INTS3: variants seen among roughly 807,000 people sequenced by gnomAD.
The protein encoded by INTS3 is SOSS complex subunit A.
In INTS3, 34 loss-of-function variants were observed where a neutral mutation model predicts 146.3. The observed-to-expected ratio is 0.23, with a 90% CI of 0.18 to 0.31. The LOEUF (loss-of-function observed/expected upper bound fraction) is 0.31, where lower values mean the gene tolerates loss of function less well. Ranked by LOEUF, INTS3 falls within the 10% of genes least tolerant of loss-of-function variation. The pLI is 1.00. For synonymous variants in INTS3, 475 were observed against 494.9 expected (o/e 0.96, Z 0.53); for missense variants, 757 against 1,304.2 (o/e 0.58, Z 6.46).
intron 20 of INTS3, chr1:153,766,967 C>T (rs910782688): frequency 1.3e-5 from 2 of 152,150 alleles, no homozygotes; most frequent in African/African-American, 4.8e-5. Flanking sequence ...TTCTCTGCCT[C>T]CCAAAGCGCT....
Position 153,772,993 on chromosome 1 carries a change from G to A in INTS3, c.2963G>A (p.Arg988Gln), listed in dbSNP as rs770973052. The stretch of plus-strand genomic sequence containing the variant: ...TCCACCAAGCCACCCAAGAGCCGGC[G>A]AAAAGCAGCTCTGTCCAGCCCTCGA... The part of the protein sequence containing the change: ...DSSTKPPKSR[R>Q]KAALSSPRSR... The change falls in exon 29 of 30, where the codon CGA becomes CAA. Residue 988 changes from arginine (R) to glutamine (Q), a missense_variant. Transcript: ENST00000318967. This position sits in a 1 kb window ranked among gnomAD's most constrained non-coding sequence, Gnocchi z 4.6. 3.1e-6 allele frequency: 5 copies of A among 1,614,134 alleles called. No homozygotes were observed. Among genetic ancestry groups the A allele is most frequent in the Non-Finnish European group, 2.5e-6 (3 of 1,180,014 alleles).
rs1167529587 is a variant in INTS3, at chr1:153,768,842, T to C, written c.2245-51T>C. 2.8e-6 allele frequency: 4 copies of C among 1,437,130 alleles called. No individual in the cohort carries two copies. In the Admixed American group the frequency reaches 5.0e-5, roughly 18 times the overall value. 89.0% of individuals were successfully genotyped at this position (1,437,130 alleles called of 1,614,324 possible). ...TAAGGAAGGAGAGTGGGCTATGGGATAAAAGCTGAGGAGCCCATCCAGGAC... is the reference window on the plus strand; with the variant it reads ...TAAGGAAGGAGAGTGGGCTATGGGACAAAAGCTGAGGAGCCCATCCAGGAC... On this transcript the variant is annotated intron_variant, in intron 21 of 29. Transcript: ENST00000318967.
intron 3 of INTS3, among the ~76,000 whole-genome samples, chr1:153,746,107 T>C (rs748428573): frequency 1.2e-4 from 19 of 152,224 alleles, no homozygotes; most frequent in Admixed American, 3.3e-4. Flanking sequence ...ATATCAGTTT[T>C]GGTTCTGTCC....
chr1:153,763,995 A>T, intron 17 of INTS3, 109 bp downstream of exon 17: 13 of 1,289,068 alleles, frequency 1.0e-5, no homozygotes, highest in Non-Finnish European at 1.5e-5. Context: ...AGTCCCTCTT[A>T]TAGTGGGGAG....
intron 8 of INTS3, among the ~76,000 whole-genome samples, chr1:153,753,014 G>A (rs1374063961): frequency 6.6e-6 from 1 of 151,402 alleles, no homozygotes; most frequent in East Asian, 1.9e-4. Flanking sequence ...ACACGTGCTT[G>A]TGATCGTGCA....
chr1:153,768,843 A>T (rs1350932024), intron 21 of INTS3, 50 bp from the exon 22 acceptor site: 1 of 1,445,556 alleles, frequency 6.9e-7, no homozygotes, highest in Non-Finnish European at 9.7e-7. Flanking sequence ...GCTATGGGAT[A>T]AAAGCTGAGG....
rs1257639376 is a variant in INTS3, at chr1:153,759,535, G to A, written c.1159G>A (p.Ala387Thr). The change falls in exon 11 of 30, where the codon GCT becomes ACT. Residue 387 changes from alanine to threonine, a missense_variant. This residue lies in a region of INTS3 where 35 missense variants were observed against 122.2 expected (regional missense o/e 0.29). Transcript: ENST00000318967. ...WLLTTCTSNV[A>T]ASNAKLALFY... ...CCCCTCTCTTTTCCAGTCAAATGTC[G>A]CTGCCTCCAATGCCAAGCTGGCTTT... 1.9e-6 allele frequency: 3 copies of A among 1,612,234 alleles called. No homozygotes were observed. Among genetic ancestry groups the A allele is most frequent in the Non-Finnish European group, 2.5e-6 (3 of 1,178,520 alleles).
In INTS3 at chr1:153,762,708, T is replaced by C. The variant is rs1413049740; in HGVS notation, c.1517-20T>C. 1 of 1,613,920 alleles carries C rather than the reference T, an allele frequency of 6.2e-7. No individual in the cohort carries two copies. Among genetic ancestry groups the C allele is most frequent in the Non-Finnish European group, 8.5e-7 (1 of 1,179,940 alleles). ...GGACCCAGGAGGCCATTAAATGCCT[T>C]ATCTTTTTTTACTCCCAAGTCAAAA... is the stretch of plus-strand genomic sequence containing the variant. On this transcript the variant is annotated intron_variant, in intron 14 of 29. Coordinates refer to ENST00000318967, the MANE Select transcript of INTS3 (RefSeq NM_023015.5).
chr1:153,728,579 T>C lies in INTS3; in HGVS notation c.-56T>C. On this transcript the variant is annotated 5_prime_UTR_variant, in exon 1 of 30. Coordinates refer to ENST00000318967, the MANE Select transcript of INTS3 (RefSeq NM_023015.5). ...CCCTGGCAATCCAGAGATCCCGATA[T>C]CTAGGACTGTCCATCCATCCACTCC... is the stretch of plus-strand genomic sequence containing the variant. The C allele has an allele frequency of 1.3e-6, 2 of 1,553,028 alleles. No individual in the cohort carries two copies. Among genetic ancestry groups the C allele is most frequent in the Non-Finnish European group, 1.7e-6 (2 of 1,155,288 alleles).
chr1:153,743,528 G>C (rs909364091), intron 3 of INTS3, among the ~76,000 whole-genome samples: 6 of 152,206 alleles, frequency 3.9e-5, no homozygotes, highest in Non-Finnish European at 8.8e-5. Flanking sequence ...GTGAACAAGA[G>C]AATTCAGTTA....
At chr1:153,753,035 C>T (rs993461223) in intron 8 of INTS3, among the ~76,000 whole-genome samples, 2 of 148,962 alleles carry the variant, frequency 1.3e-5, no homozygotes, top group African/African-American at 5.1e-5. Flanking sequence ...TGCACCCGCT[C>T]CCCTCCTACA....
In INTS3 at chr1:153,767,662, C is replaced by T. The variant is rs772082105; in HGVS notation, c.2091-12C>T. 2 of 1,566,846 alleles carry T rather than the reference C, an allele frequency of 1.3e-6. No homozygotes were observed. Among genetic ancestry groups the T allele is most frequent in the Non-Finnish European group, 1.7e-6 (2 of 1,150,148 alleles). ...GGTCAGGCTGCTGGCTCAGGCCCAG[C>T]TGGTCTTGCAGCAAAGCCGCCGCAG... is the stretch of plus-strand genomic sequence containing the variant. On this transcript the variant is annotated splice_polypyrimidine_tract_variant and intron_variant, in intron 20 of 29. Coordinates refer to ENST00000318967, the MANE Select transcript of INTS3 (RefSeq NM_023015.5).
At chr1:153,761,516 AAAAT>A (rs1672381536) in intron 13 of INTS3, 50 bp from the exon 14 acceptor site, 2 of 1,344,542 alleles carry the variant, frequency 1.5e-6, no homozygotes, top group South Asian at 2.5e-5. Flanking sequence ...GTCTCAAAAA[AAAAT>A]AAAAATAAGA....
chr1:153,747,026 C>A lies in INTS3; in HGVS notation c.388C>A (p.Leu130Ile). 1 of 1,613,840 alleles carries A rather than the reference C, an allele frequency of 6.2e-7. No homozygotes were observed. The highest frequency in any genetic ancestry group is 8.5e-7 in the Non-Finnish European group (1 of 1,179,826). ...TGTCCTGAATAAAATCAACCAGATA[C>A]TTATGGAGAAGTACCTGAAGCTGCA... ...NIVLNKINQI[L>I]MEKYLKLQDT... The change falls in exon 4 of 30, where the codon CTT (leucine) becomes ATT (isoleucine). Residue 130 changes from leucine (L) to isoleucine (I), a missense_variant. Physicochemically the swap from Leu to Ile is conservative, Grantham distance 5 (BLOSUM62 2). Coordinates refer to ENST00000318967, the MANE Select transcript of INTS3 (RefSeq NM_023015.5).
At chr1:153,771,410 C>G (rs959862274) in intron 25 of INTS3, among the ~76,000 whole-genome samples, 1 of 152,196 alleles carries the variant, frequency 6.6e-6, no homozygotes, top group African/African-American at 2.4e-5. Context: ...TCTCCTGCCC[C>G]CTTCCTCCAG....
intron 2 of INTS3, 106 bp from the exon 3 acceptor site, chr1:153,741,179 T>C: frequency 1.3e-6 from 1 of 795,418 alleles, no homozygotes; most frequent in Non-Finnish European, 2.2e-6. Context: ...TTGATTATTC[T>C]CCTTTGCATC....
chr1:153,748,570 T>G (rs1161457522), intron 5 of INTS3, 119 bp from the exon 6 acceptor site: 2 of 817,164 alleles, frequency 2.4e-6, no homozygotes, highest in Non-Finnish European at 4.3e-6. Context: ...ATCTCAGCAG[T>G]GAAGGGATGG....
chr1:153,741,264 TTTTCC>T lies in INTS3; in HGVS notation c.235-16_235-12del. ...CTGCCTGTGAGTGACAACTAGTTTG[TTTTCC>T]TTTCTCACATTCCAGGTGTGCAAAG... On this transcript the variant is annotated splice_polypyrimidine_tract_variant and intron_variant, in intron 2 of 29. Coordinates refer to ENST00000318967, the MANE Select transcript of INTS3 (RefSeq NM_023015.5). The T allele has an allele frequency of 6.3e-7, 1 of 1,599,256 alleles. No homozygotes were observed. Among genetic ancestry groups the T allele is most frequent in the Non-Finnish European group, 8.6e-7 (1 of 1,166,518 alleles).
At position 153,761,738 on chromosome 1, in the gene INTS3, G is replaced by A. The variant is rs542701835; in HGVS notation, c.1516+62G>A. 9.0e-6 allele frequency: 10 copies of A among 1,107,656 alleles called. No individual in the cohort carries two copies. In the African/African-American group the frequency reaches 1.1e-4, roughly 12 times the overall value. The allele number at this position is 1,107,656 out of a possible 1,614,324, so 68.6% of individuals were successfully genotyped here. ...GAGGGGCAAGACAACCAGGCCTTCA[G>A]GCCAGAGCCCCTTTCAGGATGTCCC... On this transcript the variant is annotated intron_variant, in intron 14 of 29. Coordinates refer to ENST00000318967, the MANE Select transcript of INTS3 (RefSeq NM_023015.5).
Sources: allele counts gnomAD v4.1 joint callset (sites outside exome capture counted in the v4.1 genomes callset), GRCh38; gene constraint gnomAD v4.1.1; regional missense constraint gnomAD v4.1.1; non-coding constraint Gnocchi (gnomAD v3.1); transcripts MANE v1.5; gene names NCBI Gene and HGNC (gene_info 2026-07-23, HGNC 2026-07-21).